GRIA1: variants seen among roughly 807,000 people sequenced by gnomAD.
GRIA1 encodes glutamate ionotropic receptor AMPA type subunit 1.
A neutral mutation model predicts 99.2 loss-of-function variants in GRIA1; 31 were observed. That is an observed-to-expected ratio of 0.31 (90% CI 0.23 to 0.42). GRIA1 has a LOEUF of 0.42. Among genes scored for constraint, GRIA1 ranks in the 10% least tolerant of loss-of-function variants. The pLI, the probability that GRIA1 is intolerant of heterozygous loss-of-function variation, is 1.00. For missense variants in GRIA1, 782 were observed against 1,157.5 expected (o/e 0.68, Z 4.71); for synonymous variants, 438 against 432.4 (o/e 1.01, Z -0.16).
intron 2 of GRIA1, among the ~76,000 whole-genome samples, chr5:153,524,921 G>C (rs1196383781): frequency 3.9e-5 from 6 of 152,180 alleles, no homozygotes; most frequent in Admixed American, 3.9e-4. Flanking sequence ...GTTGATTGTA[G>C]TCCAGTGGAA....
intron 2 of GRIA1, among the ~76,000 whole-genome samples, chr5:153,511,321 T>C (rs7737585): frequency 0.25 from 38,556 of 152,130 alleles, 6,017 homozygotes; most frequent in Non-Finnish European, 0.36. Flanking sequence ...GTAAAGGCAG[T>C]GCAGGTGCAG....
intron 13 of GRIA1, among the ~76,000 whole-genome samples, chr5:153,793,715 G>A (rs1010674916): frequency 5.3e-5 from 8 of 152,190 alleles, no homozygotes; most frequent in African/African-American, 1.9e-4. Context: ...CCTTGCAGAT[G>A]GCCCTGGATA....
intron 2 of GRIA1, among the ~76,000 whole-genome samples, chr5:153,586,082 G>A (rs185693228): frequency 6.6e-6 from 1 of 152,234 alleles, no homozygotes; most frequent in East Asian, 1.9e-4. Context: ...ATGAGAAGTT[G>A]GGAAGAGATA....
In GRIA1 at chr5:153,644,842, T is replaced by A. The variant is rs141457046; in HGVS notation, c.221-2086T>A. On this transcript the variant is annotated intron_variant, in intron 2 of 15. Transcript: ENST00000285900. ...GGAACAGCTGGTGCAGAGTCTCCCA[T>A]GCAGAATGAGCTTGGAGCCCAGAGG... Among the ~76,000 whole-genome samples, 460 of 151,662 alleles carry A rather than the reference T, an allele frequency of 3.0e-3. 3 individuals are homozygous for A. Among genetic ancestry groups the A allele is most frequent in the African/African-American group, 9.6e-3 (396 of 41,360 alleles).
chr5:153,674,680 A>T lies in GRIA1; in HGVS notation c.861+19A>T. 3 of 1,612,894 alleles carry T rather than the reference A, an allele frequency of 1.9e-6. No individual in the cohort carries two copies. The highest frequency in any genetic ancestry group is 1.7e-6 in the Non-Finnish European group (2 of 1,179,192). Reference sequence around the variant, plus strand: ...ACCCAAGGTGAGTGGATGGGCAGCCAGCAGCAAAGGGCCAGCCTGGTCCCT... The same window carrying T: ...ACCCAAGGTGAGTGGATGGGCAGCCTGCAGCAAAGGGCCAGCCTGGTCCCT... On this transcript the variant is annotated intron_variant, in intron 6 of 15. Transcript: ENST00000285900.
At chr5:153,662,245 C>T (rs935400828) in intron 5 of GRIA1, among the ~76,000 whole-genome samples, 1 of 152,198 alleles carries the variant, frequency 6.6e-6, no homozygotes, top group African/African-American at 2.4e-5. Flanking sequence ...CAGACAACCA[C>T]CAAACATGGA....
At position 153,504,470 on chromosome 5, in the gene GRIA1, C is replaced by T. The variant is rs184527161; in HGVS notation, c.220+10405C>T. ...ATATTCTATCTATATATAGATGTCC[C>T]CCATTGCACATCTTTTCAGAAAAGA... is the stretch of plus-strand genomic sequence containing the variant. On this transcript the variant is annotated intron_variant, in intron 2 of 15. Coordinates refer to ENST00000285900, the MANE Select transcript of GRIA1 (RefSeq NM_000827.4). 9.9e-5 allele frequency among the ~76,000 whole-genome samples: 15 copies of T among 151,372 alleles called. No homozygotes were observed. The East Asian group carries it at 2.9e-3, about 29-fold the overall frequency.
chr5:153,490,969 C>A lies in GRIA1; in HGVS notation c.81C>A (p.Ile27=), dbSNP rs150205263. 9,396 of 1,613,820 alleles carry A rather than the reference C, an allele frequency of 5.8e-3. 64 individuals are homozygous for A. The highest frequency in any genetic ancestry group is 5.6e-3 in the Non-Finnish European group (6,622 of 1,179,778). The change falls in exon 1 of 16, where the codon ATC becomes ATA. Residue 27 remains isoleucine, a splice_region_variant and synonymous_variant. Transcript: ENST00000285900. The stretch of plus-strand genomic sequence containing the variant: ...CCAATTTCCCCAACAATATCCAGAT[C>A]GGTGAGTGAGGGGGCAGCCTGGGGA... ...VGANFPNNIQ[I]GGLFPNQQSQ...
rs548959196 is a variant in GRIA1 at position 153,627,754 on chromosome 5, C to T, written c.221-19174C>T. 5.5e-4 allele frequency among the ~76,000 whole-genome samples: 84 copies of T among 152,236 alleles called. 1 individual carries two copies. In the South Asian group the frequency reaches 0.017, roughly 31 times the overall value. ...TCCACACAGGAATTCCTGACCCTTGCCCAGCAATTGTTCAATGACTCTGAC... is the reference window on the plus strand; with the variant it reads ...TCCACACAGGAATTCCTGACCCTTGTCCAGCAATTGTTCAATGACTCTGAC... On this transcript the variant is annotated intron_variant, in intron 2 of 15. Coordinates refer to ENST00000285900, the MANE Select transcript of GRIA1 (RefSeq NM_000827.4).
rs148292327 is a variant in GRIA1, at chr5:153,693,289, G to C, written c.1135-4755G>C. 4.2e-3 allele frequency among the ~76,000 whole-genome samples: 643 copies of C among 152,222 alleles called. 1 individual carries two copies. The highest frequency in any genetic ancestry group is 7.0e-3 in the Non-Finnish European group (478 of 68,032). On this transcript the variant is annotated intron_variant, in intron 8 of 15. Transcript: ENST00000285900. Reference sequence around the variant, plus strand: ...CCGTTGGCCAGAACCCAGTTACTTGGCTCAATCAGAGGTAAAACAAGCTGG... The same window carrying C: ...CCGTTGGCCAGAACCCAGTTACTTGCCTCAATCAGAGGTAAAACAAGCTGG...
At chr5:153,650,570 A>C in intron 4 of GRIA1, 56 bp downstream of exon 4, 1 of 1,543,604 alleles carries the variant, frequency 6.5e-7, no homozygotes, top group Admixed American at 1.8e-5. Flanking sequence ...AGGAATAGCC[A>C]GACACACTTT....
intron 15 of GRIA1, among the ~76,000 whole-genome samples, chr5:153,804,716 A>T (rs1841554): frequency 0.44 from 59,119 of 135,754 alleles, 13,989 homozygotes; most frequent in East Asian, 0.85. Flanking sequence ...GATCCTTATT[A>T]ATTAATTAAT....
chr5:153,501,275 A>T (rs1336666871), intron 2 of GRIA1, among the ~76,000 whole-genome samples: 3 of 152,236 alleles, frequency 2.0e-5, no homozygotes, highest in African/African-American at 4.8e-5. Context: ...TCACCAGCTA[A>T]TAAAGGAGGC....
intron 13 of GRIA1, among the ~76,000 whole-genome samples, chr5:153,784,306 T>A (rs1764830552): frequency 1.3e-5 from 2 of 152,084 alleles, no homozygotes. Context: ...TCACATAATT[T>A]GATCAGAGAT....
At chr5:153,771,394 T>C (rs1763874517) in intron 13 of GRIA1, among the ~76,000 whole-genome samples, 1 of 152,232 alleles carries the variant, frequency 6.6e-6, no homozygotes, top group African/African-American at 2.4e-5. Flanking sequence ...ATATGACATC[T>C]GGGTCTACCT....
chr5:153,696,679 G>C (rs74364853), intron 8 of GRIA1, among the ~76,000 whole-genome samples: 1 of 152,234 alleles, frequency 6.6e-6, no homozygotes, highest in Non-Finnish European at 1.5e-5. Flanking sequence ...CCTATGCTGA[G>C]TTCTGGCTGT....
intron 13 of GRIA1, among the ~76,000 whole-genome samples, chr5:153,793,799 T>C (rs1382227552): frequency 6.6e-6 from 1 of 152,240 alleles, no homozygotes; most frequent in African/African-American, 2.4e-5. Flanking sequence ...TAACTTGACT[T>C]ATTGGAGCAG....
intron 2 of GRIA1, among the ~76,000 whole-genome samples, chr5:153,632,329 C>T (rs1367247434): frequency 4.6e-5 from 7 of 152,176 alleles, no homozygotes; most frequent in South Asian, 2.1e-4. Context: ...TTTAGAGGGA[C>T]GTGCATCCAT....
chr5:153,710,706 G>C (rs1182170983), intron 11 of GRIA1, among the ~76,000 whole-genome samples: 1 of 152,120 alleles, frequency 6.6e-6, no homozygotes, highest in Non-Finnish European at 1.5e-5. Context: ...CGACATGCAG[G>C]GTATGGTTCT....
Sources: gnomAD v4.1 joint callset for allele counts (sites outside exome capture counted in the v4.1 genomes callset) on GRCh38, gnomAD v4.1.1 for gene constraint, MANE v1.5 for transcripts, NCBI Gene and HGNC (gene_info 2026-07-23, HGNC 2026-07-21) for gene names.